Variants in AHCTF1 observed in about 807,000 individuals in gnomAD.
AHCTF1 encodes protein ELYS.
AHCTF1 carries 24 observed loss-of-function variants against 248.4 expected under a neutral mutation model. The ratio of observed to expected loss-of-function variants is 0.10; its 90% CI spans 0.07 to 0.14. AHCTF1 has a LOEUF of 0.14. Among genes scored for constraint, AHCTF1 ranks in the 10% least tolerant of loss-of-function variants. AHCTF1 has a pLI of 1.00. For synonymous variants in AHCTF1, 786 were observed against 929.8 expected (o/e 0.85, Z 2.81); for missense variants, 2,206 against 2,636.2 (o/e 0.84, Z 3.57).
intron 29 of AHCTF1, among the ~76,000 whole-genome samples, chr1:246,858,951 G>T (rs1488433451): frequency 5.3e-5 from 8 of 152,162 alleles, no homozygotes; most frequent in Non-Finnish European, 1.0e-4. Flanking sequence ...ATGTAGGCCA[G>T]GACCGGTGGC....
rs1047080 is a variant in AHCTF1 at position 246,840,729 on chromosome 1, T to C, written c.*77A>G. ...CAATAATTTATATAAATTATTTTCT[T>C]CCAAACTAGATATTTAATAATCCAC... On this transcript the variant is annotated 3_prime_UTR_variant, in exon 36 of 36. Coordinates refer to ENST00000648844, the MANE Select transcript of AHCTF1 (RefSeq NM_001323342.2). 0.1 allele frequency: 108,276 copies of C among 1,060,788 alleles called. 6,871 individuals are homozygous for C. Among genetic ancestry groups the C allele is most frequent in the African/African-American group, 0.27 (16,459 of 60,348 alleles). The allele number at this position is 1,060,788 out of a possible 1,614,324, so 65.7% of individuals were successfully genotyped here.
At chr1:246,848,286 T>C (rs1455342556) in intron 33 of AHCTF1, among the ~76,000 whole-genome samples, 1 of 152,034 alleles carries the variant, frequency 6.6e-6, no homozygotes, top group Non-Finnish European at 1.5e-5. Flanking sequence ...CAATCTTGGA[T>C]CACTGCAAGC....
At chr1:246,926,817 T>C (rs1051706694) in intron 1 of AHCTF1, among the ~76,000 whole-genome samples, 1 of 148,726 alleles carries the variant, frequency 6.7e-6, no homozygotes, top group Non-Finnish European at 1.5e-5. Flanking sequence ...CACTGCACCA[T>C]TGCACTCCAG....
chr1:246,842,561 G>A (rs960981157), intron 35 of AHCTF1, 133 bp downstream of exon 35: 1 of 603,870 alleles, frequency 1.7e-6, no homozygotes, highest in Non-Finnish European at 2.4e-6. Flanking sequence ...CAGCCTTGGT[G>A]ACAGACCGAG....
At chr1:246,895,680 G>A (rs1558256354) in intron 13 of AHCTF1, among the ~76,000 whole-genome samples, 155 bp downstream of exon 13, 1 of 152,294 alleles carries the variant, frequency 6.6e-6, no homozygotes, top group Non-Finnish European at 1.5e-5. Context: ...GTGGGCAAAC[G>A]TGCTAAAGGG....
Position 246,848,257 on chromosome 1 carries a change from G to A in AHCTF1, c.6391+1358C>T, listed in dbSNP as rs187705607. 2.6e-3 allele frequency among the ~76,000 whole-genome samples: 395 copies of A among 151,926 alleles called. 3 individuals are homozygous for A. The highest frequency in any genetic ancestry group is 3.8e-3 in the Admixed American group (58 of 15,254). On this transcript the variant is annotated intron_variant, in intron 33 of 35. Coordinates refer to ENST00000648844, the MANE Select transcript of AHCTF1 (RefSeq NM_001323342.2). The stretch of plus-strand genomic sequence containing the variant: ...TATTATTATTATTATTTGGCCCCCC[G>A]GGCTGGAATACAGTGGCACAATCTT...
intron 21 of AHCTF1, among the ~76,000 whole-genome samples, chr1:246,883,123 G>T (rs1395375152): frequency 6.6e-6 from 1 of 152,206 alleles, no homozygotes; most frequent in African/African-American, 2.4e-5. Flanking sequence ...CTGAGGTCAG[G>T]AGTGAGGCTG....
chr1:246,931,177 C>A, intron 1 of AHCTF1: 3 of 1,550,426 alleles, frequency 1.9e-6, no homozygotes, highest in Non-Finnish European at 2.6e-6. Context: ...ACAGGACAGG[C>A]TCAGCACGCC....
At chr1:246,858,178 C>G (rs1438281855) in intron 29 of AHCTF1, among the ~76,000 whole-genome samples, 1 of 151,932 alleles carries the variant, frequency 6.6e-6, no homozygotes, top group Non-Finnish European at 1.5e-5. Context: ...CCAGGATGGT[C>G]TCGATCTCCT....
At chr1:246,874,546 A>G (rs1310972434) in intron 24 of AHCTF1, among the ~76,000 whole-genome samples, 1 of 152,130 alleles carries the variant, frequency 6.6e-6, no homozygotes, top group Non-Finnish European at 1.5e-5. Flanking sequence ...TGGTCATGAA[A>G]CGGCCACCCA....
chr1:246,853,633 TGTAGA>T (rs1164099295), intron 31 of AHCTF1, among the ~76,000 whole-genome samples: 9 of 150,614 alleles, frequency 6.0e-5, no homozygotes, highest in Non-Finnish European at 1.0e-4. Flanking sequence ...CAGCTATCCT[TGTAGA>T]GTAATTACAG....
At position 246,849,853 on chromosome 1, in the gene AHCTF1, C is replaced by A; in HGVS notation, c.6153G>T (p.Lys2051Asn). 1 of 1,613,826 alleles carries A rather than the reference C, an allele frequency of 6.2e-7. No homozygotes were observed. Residue 2051 changes from lysine (K) to asparagine (N), a missense_variant, in exon 33 of 36, where the codon AAG becomes AAT. Physicochemically the swap from Lys to Asn is moderately conservative, Grantham distance 94. Coordinates refer to ENST00000648844, the MANE Select transcript of AHCTF1 (RefSeq NM_001323342.2). ...VMSSKKKLTKKTESQSQKRSL... is the reference protein window; with the variant it reads ...VMSSKKKLTKNTESQSQKRSL... ...AACGTTTTTGGCTTTGACTTTCAGT[C>A]TTTTTTGTAAGTTTTTTCTTAGAGC... is the stretch of plus-strand genomic sequence containing the variant.
intron 14 of AHCTF1, among the ~76,000 whole-genome samples, chr1:246,894,240 G>T (rs868259774): frequency 6.6e-6 from 1 of 152,124 alleles, no homozygotes; most frequent in African/African-American, 2.4e-5. Flanking sequence ...AATGTAAAAA[G>T]AAATAATTTT....
rs1660571727 is a variant in AHCTF1 at position 246,849,905 on chromosome 1, G to A, written c.6101C>T (p.Pro2034Leu). The A allele has an allele frequency of 1.2e-6, 2 of 1,613,774 alleles. No individual in the cohort carries two copies. Among genetic ancestry groups the A allele is most frequent in the Non-Finnish European group, 1.7e-6 (2 of 1,179,848 alleles). Reference protein sequence around the residue: ...KPALGKSILVPNEELSMVMSS... With the variant: ...KPALGKSILVLNEELSMVMSS... ...CATCACCATCGAAAGTTCCTCGTTT[G>A]GCACTAAAATGGATTTTCCTAAAGC... Residue 2034 changes from proline to leucine, a missense_variant, in exon 33 of 36, where the codon CCA (proline) becomes CTA (leucine). Physicochemically the swap from Pro to Leu is moderately conservative, Grantham distance 98. Around this residue, in one of 6 missense-constraint regions of AHCTF1, gnomAD observed 469 missense variants for 470.0 expected, o/e 1.00. Transcript: ENST00000648844.
chr1:246,898,649 CACACACACACACACAG>C (rs1242446481), intron 11 of AHCTF1, among the ~76,000 whole-genome samples: 87 of 124,664 alleles, frequency 7.0e-4, no homozygotes, highest in African/African-American at 2.5e-3. Context: ...CACACACACA[CACACACACACACACAG>C]GAAAACTCCT....
At chr1:246,852,761 A>T (rs1265801419) in intron 32 of AHCTF1, among the ~76,000 whole-genome samples, 1 of 151,816 alleles carries the variant, frequency 6.6e-6, no homozygotes, top group Non-Finnish European at 1.5e-5. Context: ...TTATTTATTT[A>T]TTTATTTTTT....
rs1659710825 is a variant in AHCTF1 at position 246,839,701 on chromosome 1, A to G, written c.*1105T>C. The G allele has an allele frequency of 1.9e-5, 5 of 259,554 alleles. No homozygotes were observed. The highest frequency in any genetic ancestry group is 2.4e-5 in the Non-Finnish European group (4 of 167,364). The allele number at this position is 259,554 out of a possible 1,614,324, so 16.1% of individuals were successfully genotyped here. A position where few individuals can be genotyped will look rare whatever the true frequency, so the allele number is the denominator to read the frequency against. On this transcript the variant is annotated 3_prime_UTR_variant, in exon 36 of 36. Coordinates refer to ENST00000648844, the MANE Select transcript of AHCTF1 (RefSeq NM_001323342.2). The stretch of plus-strand genomic sequence containing the variant: ...GCCCACGAAAGCAGTTCGTTTCTAG[A>G]TAATCAATTATTAATAGTCCATTCA...
At chr1:246,892,164 T>A (rs1457341109) in intron 14 of AHCTF1, among the ~76,000 whole-genome samples, 1 of 152,168 alleles carries the variant, frequency 6.6e-6, no homozygotes, top group Non-Finnish European at 1.5e-5. Flanking sequence ...CTTGTCCTCA[T>A]AACCAGCACA....
intron 5 of AHCTF1, among the ~76,000 whole-genome samples, chr1:246,907,039 T>C (rs1345945145): frequency 6.6e-6 from 1 of 152,182 alleles, no homozygotes. Context: ...GCAAACATCA[T>C]ACAGTCTAGT....
Sources: gnomAD v4.1 joint callset for allele counts (sites outside exome capture counted in the v4.1 genomes callset) on GRCh38, gnomAD v4.1.1 for gene constraint, gnomAD v4.1.1 regional missense constraint, MANE v1.5 for transcripts, NCBI Gene and HGNC (gene_info 2026-07-23, HGNC 2026-07-21) for gene names.